CNTNAP5: variants seen among roughly 807,000 people sequenced by gnomAD.
The protein encoded by CNTNAP5 is contactin associated protein family member 5.
Under a neutral mutation model 150.2 loss-of-function variants are expected in CNTNAP5, and 72 were observed. That is an observed-to-expected ratio of 0.48 (90% CI 0.40 to 0.58). The LOEUF (loss-of-function observed/expected upper bound fraction) is 0.58, where lower values mean the gene tolerates loss of function less well. Ranked by LOEUF, CNTNAP5 falls within the 20% of genes least tolerant of loss-of-function variation. The probability of loss-of-function intolerance (pLI) is 0.00; values close to 1 mark genes in which losing one functional copy is unlikely to be tolerated. For missense variants in CNTNAP5, 1,636 were observed against 1,626.2 expected (o/e 1.01, Z -0.10); for synonymous variants, 672 against 619.8 (o/e 1.08, Z -1.25).
intron 3 of CNTNAP5, among the ~76,000 whole-genome samples, chr2:124,392,793 A>C (rs993167806): frequency 6.6e-6 from 1 of 151,928 alleles, no homozygotes; most frequent in Non-Finnish European, 1.5e-5. Context: ...AAAACCAAAA[A>C]CACAAAAACA....
At chr2:124,465,986 G>A (rs1693369165) in intron 6 of CNTNAP5, among the ~76,000 whole-genome samples, 1 of 152,036 alleles carries the variant, frequency 6.6e-6, no homozygotes, top group South Asian at 2.1e-4. Context: ...ACAAAAAAAA[G>A]TCAGTTTTCC....
intron 21 of CNTNAP5, among the ~76,000 whole-genome samples, chr2:124,894,721 T>G (rs1237307243): frequency 6.6e-6 from 1 of 151,110 alleles, no homozygotes. Context: ...ACCTGCCTAA[T>G]TTTAAAATTC....
At chr2:124,711,036 G>T (rs1253692772) in intron 13 of CNTNAP5, among the ~76,000 whole-genome samples, 2 of 152,106 alleles carry the variant, frequency 1.3e-5, no homozygotes, top group Non-Finnish European at 2.9e-5. Flanking sequence ...ACTTTGGGAG[G>T]CAGAGGCGGG....
intron 3 of CNTNAP5, among the ~76,000 whole-genome samples, chr2:124,392,585 C>T (rs903178305): frequency 2.0e-5 from 3 of 150,174 alleles, no homozygotes; most frequent in South Asian, 2.1e-4. Flanking sequence ...TCATCTCTCT[C>T]AGAAACCCTA....
chr2:124,463,668 T>C (rs1193014430), intron 6 of CNTNAP5, among the ~76,000 whole-genome samples: 1 of 152,216 alleles, frequency 6.6e-6, no homozygotes, highest in East Asian at 1.9e-4. Flanking sequence ...TTTGCCAGGT[T>C]TCCCAGAATG....
chr2:124,488,145 A>T (rs1693933486), intron 7 of CNTNAP5, among the ~76,000 whole-genome samples: 1 of 152,216 alleles, frequency 6.6e-6, no homozygotes, highest in African/African-American at 2.4e-5. Flanking sequence ...AAAGAAAAGA[A>T]GTCACCCGCA....
intron 7 of CNTNAP5, among the ~76,000 whole-genome samples, chr2:124,482,344 C>A (rs1693779775): frequency 6.6e-6 from 1 of 152,048 alleles, no homozygotes; most frequent in Admixed American, 6.6e-5. Flanking sequence ...CGTTTTATAC[C>A]AAAAAATATA....
At chr2:124,554,053 G>A (rs144893807) in intron 10 of CNTNAP5, among the ~76,000 whole-genome samples, 5 of 152,132 alleles carry the variant, frequency 3.3e-5, no homozygotes, top group South Asian at 4.2e-4. Context: ...AAGTGATGTC[G>A]AATTTCTTAA....
At chr2:124,421,881 C>T (rs1474676073) in intron 4 of CNTNAP5, among the ~76,000 whole-genome samples, 3 of 152,282 alleles carry the variant, frequency 2.0e-5, no homozygotes, top group Non-Finnish European at 4.4e-5. Context: ...CACCATTAGC[C>T]CATGATTATA....
intron 7 of CNTNAP5, among the ~76,000 whole-genome samples, chr2:124,476,380 C>A (rs542018628): frequency 3.2e-4 from 48 of 151,626 alleles, no homozygotes; most frequent in Non-Finnish European, 6.8e-4. Flanking sequence ...ATATGTTTGG[C>A]TTGGATTAGT....
chr2:124,907,700 G>A (rs1208256072), intron 22 of CNTNAP5, among the ~76,000 whole-genome samples: 2 of 150,848 alleles, frequency 1.3e-5, no homozygotes, highest in African/African-American at 2.4e-5. Context: ...CTCTAAAATT[G>A]TTAAAGACAA....
chr2:124,268,679 T>C (rs780026), intron 3 of CNTNAP5, among the ~76,000 whole-genome samples: 59,321 of 152,106 alleles, frequency 0.39, 12,419 homozygotes, highest in Non-Finnish European at 0.46. Context: ...GCCCATTCAA[T>C]ATCTGACTCC....
At chr2:124,606,168 T>C (rs1697102643) in intron 11 of CNTNAP5, among the ~76,000 whole-genome samples, 1 of 152,166 alleles carries the variant, frequency 6.6e-6, no homozygotes, top group South Asian at 2.1e-4. Flanking sequence ...AGTAATCACA[T>C]TATAATATGT....
chr2:124,290,995 A>G (rs1246567581), intron 3 of CNTNAP5, among the ~76,000 whole-genome samples: 1 of 152,082 alleles, frequency 6.6e-6, no homozygotes, highest in African/African-American at 2.4e-5. Flanking sequence ...AAAACTTGCC[A>G]CAGTGACAGT....
chr2:124,422,642 C>CTT (rs1283451073), intron 4 of CNTNAP5, among the ~76,000 whole-genome samples: 1 of 152,114 alleles, frequency 6.6e-6, no homozygotes, highest in Non-Finnish European at 1.5e-5. Flanking sequence ...TACCCAGATA[C>CTT]TTTTTTTATT....
At chr2:124,450,428 C>A (rs1162226509) in intron 6 of CNTNAP5, among the ~76,000 whole-genome samples, 1 of 151,702 alleles carries the variant, frequency 6.6e-6, no homozygotes, top group Non-Finnish European at 1.5e-5. Flanking sequence ...TAGGGGATAT[C>A]AATCAAGTGA....
chr2:124,419,928 C>CTTTCTTT, intron 4 of CNTNAP5, among the ~76,000 whole-genome samples: 1 of 127,132 alleles, frequency 7.9e-6, no homozygotes, highest in African/African-American at 3.1e-5. Flanking sequence ...TTCTTTCTTT[C>CTTTCTTT]TTTCTTTCTT....
intron 1 of CNTNAP5, among the ~76,000 whole-genome samples, chr2:124,128,494 A>T (rs568329723): frequency 6.6e-6 from 1 of 152,272 alleles, no homozygotes; most frequent in South Asian, 2.1e-4. Flanking sequence ...ATTGTGGAAG[A>T]CAGTGTGGCG....
At chr2:124,076,030 A>G (rs538319248) in intron 1 of CNTNAP5, among the ~76,000 whole-genome samples, 61 of 152,290 alleles carry the variant, frequency 4.0e-4, no homozygotes, top group African/African-American at 1.4e-3. Context: ...TTTGCCCATG[A>G]TATGGAAAAG....
Sources: gnomAD v4.1 joint callset for allele counts (sites outside exome capture counted in the v4.1 genomes callset) on GRCh38, gnomAD v4.1.1 for gene constraint, MANE v1.5 for transcripts, NCBI Gene and HGNC (gene_info 2026-07-23, HGNC 2026-07-21) for gene names.